Variants in ZC3H4 observed in about 807,000 individuals in gnomAD.
ZC3H4 encodes the protein zinc finger CCCH domain-containing protein 4.
Under a neutral mutation model 108.3 loss-of-function variants are expected in ZC3H4, and 13 were observed. The ratio of observed to expected loss-of-function variants is 0.12; its 90% CI spans 0.08 to 0.19. ZC3H4 has a LOEUF of 0.19. Among genes scored for constraint, ZC3H4 ranks in the 10% least tolerant of loss-of-function variants. The probability of loss-of-function intolerance (pLI) is 1.00; values close to 1 mark genes in which losing one functional copy is unlikely to be tolerated. For synonymous variants in ZC3H4, 917 were observed against 749.6 expected, an observed-to-expected ratio of 1.22 and a Z score of -3.65; for missense variants, 1,734 against 1,838.8, an observed-to-expected ratio of 0.94 and a Z score of 1.04.
At position 47,067,048 on chromosome 19, in the gene ZC3H4, G is replaced by T; in HGVS notation, c.3220C>A (p.Arg1074=). The change falls in exon 15 of 15, where the codon CGG becomes AGG. Residue 1074 remains arginine, a synonymous_variant. Coordinates refer to ENST00000253048, the MANE Select transcript of ZC3H4 (RefSeq NM_015168.2). The surrounding 1 kb of genome is among the most constrained non-coding windows in gnomAD (Gnocchi z 6.4). ...AGCCGAGGGTCGGTGGGGGCCTTCC[G>T]CACCCGGGGGTCACTGGGTTTGTCG... ...SSDKPSDPRV[R]KAPTDPRLQK... The T allele has an allele frequency of 6.2e-7, 1 of 1,605,096 alleles. No homozygotes were observed. The highest frequency in any genetic ancestry group is 8.5e-7 in the Non-Finnish European group (1 of 1,175,612).
At chr19:47,076,314 T>C (rs1025700812) in intron 11 of ZC3H4, among the ~76,000 whole-genome samples, 2 of 78,052 alleles carry the variant, frequency 2.6e-5, no homozygotes, top group Non-Finnish European at 6.0e-5. Flanking sequence ...CATGCACGCG[T>C]GCGCGCGCGC....
At chr19:47,070,718 C>T (rs2057310987) in intron 13 of ZC3H4, among the ~76,000 whole-genome samples, 1 of 152,206 alleles carries the variant, frequency 6.6e-6, no homozygotes. Context: ...GATCTCTAGC[C>T]TGGGCCTCTC....
chr19:47,105,393 G>T (rs55959460), intron 2 of ZC3H4, among the ~76,000 whole-genome samples: 6 of 152,124 alleles, frequency 3.9e-5, no homozygotes, highest in Non-Finnish European at 8.8e-5. Context: ...TCGAGGTCAC[G>T]AGTTCAAGAC....
At chr19:47,081,855 C>T (rs1421233901) in intron 10 of ZC3H4, among the ~76,000 whole-genome samples, 2 of 152,176 alleles carry the variant, frequency 1.3e-5, no homozygotes, top group Non-Finnish European at 2.9e-5. Context: ...GGGGCTGCGT[C>T]CTCAGATGGT....
In ZC3H4 at chr19:47,090,086, T is replaced by G; in HGVS notation, c.596A>C (p.Glu199Ala). 6.2e-7 allele frequency: 1 copy of G among 1,614,204 alleles called. No individual in the cohort carries two copies. The highest frequency in any genetic ancestry group is 1.3e-5 in the African/African-American group (1 of 75,052). The change falls in exon 5 of 15, where the codon GAG (glutamate) becomes GCG (alanine). Residue 199 changes from glutamate (E) to alanine (A), a missense_variant. Coordinates refer to ENST00000253048, the MANE Select transcript of ZC3H4 (RefSeq NM_015168.2). ...SYGMYEDYEN[E>A]QYGEYEGDEE... ...GTCGCCCTCATATTCCCCATACTGC[T>G]CATTCTCGTAGTCCTCGTACATGCC...
intron 4 of ZC3H4, 39 bp downstream of exon 4, chr19:47,093,931 C>T (rs1329609108): frequency 1.9e-6 from 3 of 1,570,280 alleles, no homozygotes; most frequent in Middle Eastern, 1.7e-4. Context: ...TTGAACTCCT[C>T]CCGGCCCCAG....
chr19:47,089,204 C>CAAAAAAA (rs888647856), intron 5 of ZC3H4, among the ~76,000 whole-genome samples: 1 of 26,838 alleles, frequency 3.7e-5, no homozygotes, highest in Non-Finnish European at 7.4e-5. Context: ...GACTCCGTCT[C>CAAAAAAA]AAAAAAAAAA....
At chr19:47,112,643 G>T in intron 1 of ZC3H4, 54 bp from the exon 2 acceptor site, 1 of 1,194,214 alleles carries the variant, frequency 8.4e-7, no homozygotes, top group South Asian at 4.2e-5. Flanking sequence ...GGGCGTGGCG[G>T]GAGGGGCACA....
intron 4 of ZC3H4, among the ~76,000 whole-genome samples, chr19:47,091,037 C>T (rs531812894): frequency 6.4e-4 from 97 of 152,172 alleles, no homozygotes; most frequent in African/African-American, 2.3e-3. Context: ...GAGGCCGAGG[C>T]GGGCAGATCA....
chr19:47,087,295 C>CA (rs1420363166), intron 5 of ZC3H4, among the ~76,000 whole-genome samples: 2,353 of 90,130 alleles, frequency 0.026, 43 homozygotes, highest in African/African-American at 0.058. Flanking sequence ...CACACACACA[C>CA]ACAAAAAAAA....
chr19:47,077,400 G>A (rs769453526), intron 11 of ZC3H4, among the ~76,000 whole-genome samples: 20 of 151,930 alleles, frequency 1.3e-4, no homozygotes, highest in Middle Eastern at 6.8e-3. Context: ...CCCAGGAGGC[G>A]GAGGTTGCAG....
rs748735701 is a variant in ZC3H4 at position 47,103,762 on chromosome 19, T to TAAA, written c.161+8659_161+8661dup. ...TAACATGGTGAAACCCCGTCTCTAC[T>TAAA]AAAAAAAAAAAAAAAAAAAAACTAC... On this transcript the variant is annotated intron_variant, in intron 2 of 14. Coordinates refer to ENST00000253048, the MANE Select transcript of ZC3H4 (RefSeq NM_015168.2). 1.6e-3 allele frequency among the ~76,000 whole-genome samples: 174 copies of TAAA among 108,438 alleles called. 2 individuals are homozygous for TAAA. Among genetic ancestry groups the TAAA allele is most frequent in the African/African-American group, 6.2e-3 (163 of 26,378 alleles). The allele number at this position is 108,438 out of a possible 152,430, so 71.1% of individuals were successfully genotyped here. A position where few individuals can be genotyped will look rare whatever the true frequency, so the allele number is the denominator to read the frequency against.
In ZC3H4 at chr19:47,087,396, T is replaced by C. The variant is rs145546626; in HGVS notation, c.716-858A>G. 5.0e-3 allele frequency among the ~76,000 whole-genome samples: 760 copies of C among 151,630 alleles called. 9 individuals are homozygous for C. Among genetic ancestry groups the C allele is most frequent in the African/African-American group, 0.018 (729 of 41,380 alleles). ...TTAAACATATTAGGTTGAAAACAGA[T>C]TATCAAAATTAATTTAATTGGTTTC... On this transcript the variant is annotated intron_variant, in intron 5 of 14. Coordinates refer to ENST00000253048, the MANE Select transcript of ZC3H4 (RefSeq NM_015168.2).
intron 4 of ZC3H4, 163 bp downstream of exon 4, chr19:47,093,807 T>C (rs935274659): frequency 3.7e-6 from 2 of 538,504 alleles, no homozygotes; most frequent in African/African-American, 1.9e-5. Context: ...TGAAATTGTC[T>C]AAGTTTCAGT....
chr19:47,112,541 G>T lies in ZC3H4; in HGVS notation c.44C>A (p.Ser15Ter). The change falls in exon 2 of 15, where the codon TCG (serine) becomes TAG (stop). Residue 15 changes from serine to a stop codon, truncating the protein, a stop_gained. Coordinates refer to ENST00000253048, the MANE Select transcript of ZC3H4 (RefSeq NM_015168.2). LOFTEE classifies it high-confidence loss of function. ...PGTPPPPPSE[S>*]PPPPSPPPPS... ...CGGCGGCGGCGATGGCGGCGGCGGCGACTCTGATGGCGGCGGCGGGGGGGT... is the reference window on the plus strand; with the variant it reads ...CGGCGGCGGCGATGGCGGCGGCGGCTACTCTGATGGCGGCGGCGGGGGGGT... 3.8e-6 allele frequency: 4 copies of T among 1,047,248 alleles called. No individual in the cohort carries two copies. The highest frequency in any genetic ancestry group is 4.6e-5 in the South Asian group (1 of 21,834). The allele number at this position is 1,047,248 out of a possible 1,614,324, so 64.9% of individuals were successfully genotyped here. A position where few individuals can be genotyped will look rare whatever the true frequency, so the allele number is the denominator to read the frequency against.
At chr19:47,097,501 AAACGTCCTGCGTG>A (rs2057841206) in intron 2 of ZC3H4, among the ~76,000 whole-genome samples, 1 of 152,220 alleles carries the variant, frequency 6.6e-6, no homozygotes, top group Non-Finnish European at 1.5e-5. Context: ...TCTCCTAGCT[AAACGTCCTGCGTG>A]AACACGAGGT....
At chr19:47,109,918 C>A (rs2058016154) in intron 2 of ZC3H4, among the ~76,000 whole-genome samples, 1 of 152,114 alleles carries the variant, frequency 6.6e-6, no homozygotes. Context: ...CAAGTCATTT[C>A]TGTTGTTGTT....
chr19:47,069,852 G>A (rs2122693903), intron 13 of ZC3H4, among the ~76,000 whole-genome samples: 1 of 152,286 alleles, frequency 6.6e-6, no homozygotes, highest in African/African-American at 2.4e-5. Flanking sequence ...GTGCTGCTCT[G>A]GCCACAGGTC....
Position 47,066,240 on chromosome 19 carries a change from G to A in ZC3H4, c.*116C>T, listed in dbSNP as rs2057191639. On this transcript the variant is annotated 3_prime_UTR_variant, in exon 15 of 15. Transcript: ENST00000253048. ...AAAGAGACGGAAAGCAAAAGAAAAA[G>A]AAAAGAAAAAAGGAACACCCAGCCT... is the stretch of plus-strand genomic sequence containing the variant. 1.3e-6 allele frequency: 1 copy of A among 764,110 alleles called. No homozygotes were observed. The highest frequency in any genetic ancestry group is 1.9e-6 in the Non-Finnish European group (1 of 519,982). The allele number at this position is 764,110 out of a possible 1,614,324, so 47.3% of individuals were successfully genotyped here.
Sources: gnomAD v4.1 joint callset for allele counts (sites outside exome capture counted in the v4.1 genomes callset) on GRCh38, gnomAD v4.1.1 for gene constraint, Gnocchi (gnomAD v3.1) non-coding constraint, MANE v1.5 for transcripts, NCBI Gene and HGNC (gene_info 2026-07-23, HGNC 2026-07-21) for gene names.